Variants in TRAPPC9 observed in about 807,000 individuals in gnomAD.
TRAPPC9 encodes IKK2 binding protein.
In TRAPPC9, 83 loss-of-function variants were observed where a neutral mutation model predicts 124.0. The ratio of observed to expected loss-of-function variants is 0.67; its 90% CI spans 0.56 to 0.80. TRAPPC9 has a LOEUF of 0.80. Ranked by LOEUF, TRAPPC9 falls within the 30% of genes least tolerant of loss-of-function variation. The pLI, the probability that TRAPPC9 is intolerant of heterozygous loss-of-function variation, is 0.00. For synonymous variants in TRAPPC9, 638 were observed against 617.5 expected (o/e 1.03, Z -0.49); for missense variants, 1,302 against 1,508.3 (o/e 0.86, Z 2.27).
chr8:140,270,254 G>A (rs1164449416), intron 15 of TRAPPC9, among the ~76,000 whole-genome samples: 1 of 152,224 alleles, frequency 6.6e-6, no homozygotes, highest in Admixed American at 6.5e-5. Flanking sequence ...GCAGTGACCT[G>A]CACAGAGCAG....
intron 17 of TRAPPC9, among the ~76,000 whole-genome samples, chr8:140,053,608 T>G (rs755699282): frequency 2.6e-5 from 4 of 152,198 alleles, no homozygotes; most frequent in Non-Finnish European, 5.9e-5. Flanking sequence ...GTCAACTGAT[T>G]TCCTTCCTCA....
intron 7 of TRAPPC9, among the ~76,000 whole-genome samples, chr8:140,383,591 A>C (rs2068674027): frequency 6.6e-6 from 1 of 152,228 alleles, no homozygotes; most frequent in African/African-American, 2.4e-5. Flanking sequence ...AATGAAATGA[A>C]GGGAGAAGAG....
At chr8:140,070,727 G>A (rs1194973689) in intron 17 of TRAPPC9, among the ~76,000 whole-genome samples, 1 of 152,140 alleles carries the variant, frequency 6.6e-6, no homozygotes, top group Non-Finnish European at 1.5e-5. Flanking sequence ...ACACCAGCAG[G>A]GCTGTCCCCT....
intron 9 of TRAPPC9, among the ~76,000 whole-genome samples, chr8:140,336,585 T>C (rs1390568326): frequency 6.6e-6 from 1 of 152,226 alleles, no homozygotes; most frequent in Non-Finnish European, 1.5e-5. Context: ...ACCAAGTCCC[T>C]GTCTACTCTG....
At chr8:140,197,755 G>A (rs936018626) in intron 17 of TRAPPC9, among the ~76,000 whole-genome samples, 3 of 151,932 alleles carry the variant, frequency 2.0e-5, no homozygotes, top group Non-Finnish European at 4.4e-5. Context: ...AAAGAGAACA[G>A]AACAAAAGAA....
chr8:140,143,167 AT>A (rs529984033), intron 17 of TRAPPC9, among the ~76,000 whole-genome samples: 137 of 152,348 alleles, frequency 9.0e-4, no homozygotes, highest in African/African-American at 2.8e-3. Context: ...CCTGATTAGT[AT>A]TTGTAAGAAC....
chr8:140,050,081 G>A (rs1563722401), intron 17 of TRAPPC9, among the ~76,000 whole-genome samples: 1 of 152,218 alleles, frequency 6.6e-6, no homozygotes, highest in Non-Finnish European at 1.5e-5. Flanking sequence ...GAGTGTACAA[G>A]GGACACCTGG....
At chr8:140,229,457 G>C (rs2131365814) in intron 16 of TRAPPC9, among the ~76,000 whole-genome samples, 1 of 151,500 alleles carries the variant, frequency 6.6e-6, no homozygotes, top group Non-Finnish European at 1.5e-5. Flanking sequence ...GTAGAGATGG[G>C]GTTTCTCCAT....
intron 21 of TRAPPC9, among the ~76,000 whole-genome samples, chr8:139,758,613 G>A: frequency 6.6e-6 from 1 of 152,182 alleles, no homozygotes; most frequent in East Asian, 1.9e-4. Flanking sequence ...AATGTTTACT[G>A]AGCCAGGCTC....
chr8:140,264,037 C>T (rs962413205), intron 15 of TRAPPC9, among the ~76,000 whole-genome samples: 2 of 152,152 alleles, frequency 1.3e-5, no homozygotes, highest in Non-Finnish European at 2.9e-5. Context: ...CACTTTTCTC[C>T]GAGACTGATT....
At chr8:140,414,144 A>G (rs1249494198) in intron 5 of TRAPPC9, among the ~76,000 whole-genome samples, 1 of 152,210 alleles carries the variant, frequency 6.6e-6, no homozygotes. Context: ...TGACCCAAGA[A>G]GAAATATGAA....
chr8:139,807,472 A>G (rs1456253190), intron 21 of TRAPPC9, among the ~76,000 whole-genome samples: 1 of 152,166 alleles, frequency 6.6e-6, no homozygotes, highest in East Asian at 1.9e-4. Context: ...CCATTAATAA[A>G]ACAGAGGACC....
At chr8:139,957,071 C>T (rs1835037778) in intron 19 of TRAPPC9, among the ~76,000 whole-genome samples, 1 of 152,258 alleles carries the variant, frequency 6.6e-6, no homozygotes, top group Admixed American at 6.5e-5. Flanking sequence ...GCTCTGAAAA[C>T]ATATTTGATC....
At chr8:139,903,740 C>T (rs2131237114) in intron 20 of TRAPPC9, among the ~76,000 whole-genome samples, 1 of 152,290 alleles carries the variant, frequency 6.6e-6, no homozygotes, top group Non-Finnish European at 1.5e-5. Context: ...GGAAACTATT[C>T]ATTCAACAAA....
intron 10 of TRAPPC9, among the ~76,000 whole-genome samples, chr8:140,304,920 G>T (rs893675674): frequency 3.0e-5 from 4 of 133,582 alleles, no homozygotes; most frequent in African/African-American, 1.1e-4. Flanking sequence ...CTGGTGCTCC[G>T]GTCCCATGCC....
chr8:139,766,194 C>T (rs1037326200), intron 21 of TRAPPC9, among the ~76,000 whole-genome samples: 2 of 152,260 alleles, frequency 1.3e-5, no homozygotes, highest in African/African-American at 2.4e-5. Context: ...GGCTCCCTCA[C>T]CAGCTCTGCC....
chr8:139,853,536 C>G (rs1030688593), intron 21 of TRAPPC9, among the ~76,000 whole-genome samples: 1 of 152,102 alleles, frequency 6.6e-6, no homozygotes, highest in African/African-American at 2.4e-5. Context: ...GCTTGCTGAC[C>G]GAATGAACAA....
chr8:140,247,740 T>C (rs2064021742), intron 16 of TRAPPC9, among the ~76,000 whole-genome samples: 1 of 152,218 alleles, frequency 6.6e-6, no homozygotes, highest in Admixed American at 6.5e-5. Flanking sequence ...CACTTTCTCT[T>C]TAATCATCTT....
rs60936852 is a variant in TRAPPC9 at position 140,410,500 on chromosome 8, C to G, written c.887-4802G>C. On this transcript the variant is annotated intron_variant, in intron 5 of 22. Coordinates refer to ENST00000438773, the MANE Select transcript of TRAPPC9 (RefSeq NM_001160372.4). The stretch of plus-strand genomic sequence containing the variant: ...GCAGTGAGCCAAGATCATGCCACTG[C>G]ACTCCAGCCTGGGCAACAGAGCAAG... Among the ~76,000 whole-genome samples the G allele has an allele frequency of 4.0e-3, 605 of 152,178 alleles. 4 individuals carry two copies. The highest frequency in any genetic ancestry group is 0.014 in the African/African-American group (563 of 41,528).
Sources: gnomAD v4.1 joint callset for allele counts (sites outside exome capture counted in the v4.1 genomes callset) on GRCh38, gnomAD v4.1.1 for gene constraint, MANE v1.5 for transcripts, NCBI Gene and HGNC (gene_info 2026-07-23, HGNC 2026-07-21) for gene names.